MARCHF1: variants seen among roughly 807,000 people sequenced by gnomAD.
MARCHF1 encodes the protein membrane associated ring-CH-type finger 1.
MARCHF1 carries 40 observed loss-of-function variants against 54.2 expected under a neutral mutation model. The observed-to-expected ratio is 0.74, with a 90% confidence interval of 0.57 to 0.96. The LOEUF (loss-of-function observed/expected upper bound fraction) is 0.96. Among genes scored for constraint, MARCHF1 ranks in the 40% least tolerant of loss-of-function variants. MARCHF1 has a pLI of 0.00. For synonymous variants in MARCHF1, 236 were observed against 236.3 expected, an observed-to-expected ratio of 1.00 and a Z score of 0.01; for missense variants, 586 against 656.5, an observed-to-expected ratio of 0.89 and a Z score of 1.17.
chr4:164,198,070 C>T (rs544754320), intron 1 of MARCHF1, among the ~76,000 whole-genome samples: 11 of 152,220 alleles, frequency 7.2e-5, no homozygotes, highest in South Asian at 2.1e-4. Context: ...AGACCTGACA[C>T]GGGATATCTT....
chr4:163,704,572 T>C (rs1231738821), intron 4 of MARCHF1, among the ~76,000 whole-genome samples: 1 of 151,612 alleles, frequency 6.6e-6, no homozygotes, highest in African/African-American at 2.4e-5. Flanking sequence ...CCAATACAAT[T>C]AGAAATCCAA....
At chr4:163,753,677 C>A (rs1394351592) in intron 4 of MARCHF1, among the ~76,000 whole-genome samples, 1 of 152,086 alleles carries the variant, frequency 6.6e-6, no homozygotes, top group African/African-American at 2.4e-5. Context: ...AAAAGTAACA[C>A]TGTTTTAATA....
chr4:163,733,200 T>C lies in MARCHF1; in HGVS notation c.112-32337A>G, dbSNP rs1476071527. ...GTGTATATATATATATATATATATA[T>C]ATATATATATATATATATATACACG... On this transcript the variant is annotated intron_variant, in intron 4 of 9. Coordinates refer to ENST00000514618, the MANE Select transcript of MARCHF1 (RefSeq NM_001394959.1). 7.3e-4 allele frequency among the ~76,000 whole-genome samples: 25 copies of C among 34,454 alleles called. 1 individual carries two copies. The East Asian group carries it at 9.8e-3, about 14-fold the overall frequency. 22.6% of individuals were successfully genotyped at this position (34,454 alleles called of 152,430 possible). A position where few individuals can be genotyped will look rare whatever the true frequency, so the allele number is the denominator to read the frequency against.
chr4:164,015,517 C>T (rs191206255), intron 2 of MARCHF1, among the ~76,000 whole-genome samples: 9 of 152,244 alleles, frequency 5.9e-5, no homozygotes, highest in Non-Finnish European at 1.3e-4. Flanking sequence ...ACTGAAAAGA[C>T]AGCATACAGA....
At chr4:163,546,922 G>GT (rs978506957) in intron 8 of MARCHF1, among the ~76,000 whole-genome samples, 1 of 152,140 alleles carries the variant, frequency 6.6e-6, no homozygotes, top group Admixed American at 6.5e-5. Context: ...TAGGAATTGT[G>GT]TTTTTATTTT....
chr4:164,018,971 T>G, intron 2 of MARCHF1, among the ~76,000 whole-genome samples: 1 of 152,198 alleles, frequency 6.6e-6, no homozygotes, highest in East Asian at 1.9e-4. Context: ...AAATTGCCTG[T>G]GATTTTGTGA....
At chr4:163,786,528 T>TTATAGTAAA (rs1359139274) in intron 4 of MARCHF1, among the ~76,000 whole-genome samples, 1 of 151,964 alleles carries the variant, frequency 6.6e-6, no homozygotes, top group Non-Finnish European at 1.5e-5. Flanking sequence ...TAATAAGACA[T>TTATAGTAAA]TATAGTAAAT....
chr4:163,534,091 A>G (rs1010005604), intron 9 of MARCHF1, among the ~76,000 whole-genome samples: 1 of 152,036 alleles, frequency 6.6e-6, no homozygotes, highest in African/African-American at 2.4e-5. Flanking sequence ...GCTTTAGCAC[A>G]TGCTATTCCT....
Position 163,988,515 on chromosome 4 carries a change from T to A in MARCHF1, c.-53A>T, listed in dbSNP as rs1455515305. On this transcript the variant is annotated 5_prime_UTR_variant, in exon 3 of 10. Coordinates refer to ENST00000514618, the MANE Select transcript of MARCHF1 (RefSeq NM_001394959.1). ...CCTCCTCTTACCTCGACTTCCTTGT[T>A]CTTCTCTTTGTTTCTGCCCATTGAA... The A allele has an allele frequency of 1.3e-5, 2 of 152,354 alleles. No individual in the cohort carries two copies. Among genetic ancestry groups the A allele is most frequent in the Non-Finnish European group, 2.9e-5 (2 of 68,162 alleles). 9.4% of individuals were successfully genotyped at this position (152,354 alleles called of 1,614,324 possible). A position where few individuals can be genotyped will look rare whatever the true frequency, so the allele number is the denominator to read the frequency against.
intron 2 of MARCHF1, among the ~76,000 whole-genome samples, chr4:164,078,752 T>C (rs1335500303): frequency 6.6e-6 from 1 of 152,180 alleles, no homozygotes; most frequent in Non-Finnish European, 1.5e-5. Context: ...TTAAGAGATG[T>C]GTTTGATATA....
intron 3 of MARCHF1, among the ~76,000 whole-genome samples, chr4:163,910,993 G>A (rs12501935): frequency 0.17 from 26,092 of 152,130 alleles, 2,822 homozygotes; most frequent in South Asian, 0.32. Context: ...ATGAAAGGTA[G>A]TTGATTCAGC....
chr4:164,274,845 T>G (rs377113491), intron 1 of MARCHF1, among the ~76,000 whole-genome samples: 14 of 150,826 alleles, frequency 9.3e-5, no homozygotes, highest in African/African-American at 2.2e-4. Flanking sequence ...CCCTGCTAAT[T>G]TTTTGTATTT....
At chr4:163,858,188 A>G (rs911339678) in intron 3 of MARCHF1, among the ~76,000 whole-genome samples, 1 of 152,054 alleles carries the variant, frequency 6.6e-6, no homozygotes, top group African/African-American at 2.4e-5. Context: ...CACCATGAGC[A>G]TGGTACGCCT....
At chr4:163,704,108 T>A (rs916734640) in intron 4 of MARCHF1, among the ~76,000 whole-genome samples, 2 of 148,450 alleles carry the variant, frequency 1.3e-5, no homozygotes, top group Non-Finnish European at 3.0e-5. Context: ...AGTTTTTTTT[T>A]AATGTAATAT....
At chr4:163,800,346 T>C (rs1423804527) in intron 4 of MARCHF1, among the ~76,000 whole-genome samples, 5 of 151,984 alleles carry the variant, frequency 3.3e-5, no homozygotes, top group Non-Finnish European at 4.4e-5. Context: ...TATATATTAT[T>C]ATTAATTATA....
intron 5 of MARCHF1, among the ~76,000 whole-genome samples, chr4:163,677,434 T>C (rs1448833512): frequency 6.6e-6 from 1 of 152,152 alleles, no homozygotes; most frequent in African/African-American, 2.4e-5. Context: ...AAGCTCCTTC[T>C]TGCCTTGGAA....
chr4:164,120,210 A>T (rs978439262), intron 1 of MARCHF1, among the ~76,000 whole-genome samples: 1 of 152,150 alleles, frequency 6.6e-6, no homozygotes, highest in Admixed American at 6.6e-5. Context: ...AACAGACTTC[A>T]AGGCAAAACT....
chr4:164,160,843 G>A (rs771323926), intron 1 of MARCHF1, among the ~76,000 whole-genome samples: 6 of 152,032 alleles, frequency 3.9e-5, no homozygotes, highest in Non-Finnish European at 8.8e-5. Flanking sequence ...TGTGTAATAA[G>A]ATAACAGAAG....
chr4:163,583,165 T>C (rs535792350), intron 8 of MARCHF1, among the ~76,000 whole-genome samples: 43 of 152,300 alleles, frequency 2.8e-4, no homozygotes, highest in Non-Finnish European at 1.5e-5. Context: ...CTGAGATCTG[T>C]GACGAATTTG....
Sources: gnomAD v4.1 joint callset for allele counts (sites outside exome capture counted in the v4.1 genomes callset) on GRCh38, gnomAD v4.1.1 for gene constraint, MANE v1.5 for transcripts, NCBI Gene and HGNC (gene_info 2026-07-23, HGNC 2026-07-21) for gene names.